Variants in ATP8B4 observed in about 807,000 individuals in gnomAD.
The protein encoded by ATP8B4 is probable phospholipid-transporting ATPase IM.
ATP8B4 carries 133 observed loss-of-function variants against 145.6 expected under a neutral mutation model. The ratio of observed to expected loss-of-function variants is 0.91; its 90% CI spans 0.79 to 1.05. The LOEUF (loss-of-function observed/expected upper bound fraction) is 1.05, where lower values mean the gene tolerates loss of function less well. Ranked by LOEUF, ATP8B4 falls within the 50% of genes least tolerant of loss-of-function variation. The probability of loss-of-function intolerance (pLI) is 0.00; values close to 1 mark genes in which losing one functional copy is unlikely to be tolerated. For missense variants in ATP8B4, 1,458 were observed against 1,425.2 expected, an observed-to-expected ratio of 1.02 and a Z score of -0.37; for synonymous variants, 507 against 492.9, an observed-to-expected ratio of 1.03 and a Z score of -0.38.
chr15:49,961,639 T>C (rs967160838), intron 14 of ATP8B4, among the ~76,000 whole-genome samples: 1 of 152,158 alleles, frequency 6.6e-6, no homozygotes, highest in Non-Finnish European at 1.5e-5. Context: ...AAAACTAATC[T>C]AGAAAGATCT....
intron 6 of ATP8B4, among the ~76,000 whole-genome samples, chr15:50,031,715 T>C (rs1230647684): frequency 6.6e-6 from 1 of 152,112 alleles, no homozygotes; most frequent in Non-Finnish European, 1.5e-5. Context: ...ACCACCTTCC[T>C]TGGTAAGTTG....
intron 3 of ATP8B4, among the ~76,000 whole-genome samples, chr15:50,054,577 A>G (rs991634125): frequency 3.2e-4 from 48 of 152,158 alleles, no homozygotes; most frequent in African/African-American, 1.0e-3. Flanking sequence ...AGGTCAGGAG[A>G]TCGAGATCAG....
At chr15:49,954,575 G>T (rs2043390485) in intron 14 of ATP8B4, among the ~76,000 whole-genome samples, 1 of 152,184 alleles carries the variant, frequency 6.6e-6, no homozygotes, top group Non-Finnish European at 1.5e-5. Context: ...ATGAAAAAAT[G>T]CTCATGATCA....
intron 2 of ATP8B4, 129 bp from the exon 3 acceptor site, chr15:50,074,314 G>T (rs929532977): frequency 8.9e-6 from 7 of 790,118 alleles, no homozygotes; most frequent in Non-Finnish European, 1.4e-5. Flanking sequence ...AAATTTGAAG[G>T]TATTGGCTTT....
At chr15:50,162,568 G>A (rs774475899) in intron 1 of ATP8B4, among the ~76,000 whole-genome samples, 136 of 151,970 alleles carry the variant, frequency 8.9e-4, no homozygotes, top group Admixed American at 2.7e-3. Context: ...GTGCAGTGGC[G>A]CGATCTCAGC....
At chr15:49,961,904 A>C in intron 14 of ATP8B4, 73 bp downstream of exon 14, 1 of 1,309,688 alleles carries the variant, frequency 7.6e-7, no homozygotes, top group South Asian at 1.4e-5. Flanking sequence ...AGGACACTAA[A>C]AGTTTATCAT....
chr15:49,939,781 T>C (rs769721330), intron 14 of ATP8B4, among the ~76,000 whole-genome samples: 2 of 152,098 alleles, frequency 1.3e-5, no homozygotes, highest in Non-Finnish European at 2.9e-5. Context: ...ATAGAAAATA[T>C]GCCAAAGACA....
At chr15:49,902,544 C>A (rs2038152482) in intron 20 of ATP8B4, among the ~76,000 whole-genome samples, 1 of 152,210 alleles carries the variant, frequency 6.6e-6, no homozygotes, top group South Asian at 2.1e-4. Context: ...TCACATGGTT[C>A]CAAGAATCAT....
chr15:50,087,370 T>TA (rs2055280802), intron 2 of ATP8B4, among the ~76,000 whole-genome samples: 2 of 136,942 alleles, frequency 1.5e-5, no homozygotes, highest in African/African-American at 5.9e-5. Flanking sequence ...TATAATAAAA[T>TA]AATATATAGA....
chr15:50,150,642 A>G (rs1158049730), intron 1 of ATP8B4, among the ~76,000 whole-genome samples: 1 of 152,238 alleles, frequency 6.6e-6, no homozygotes, highest in African/African-American at 2.4e-5. Flanking sequence ...CCTGGAGTCC[A>G]TTATTAAGTT....
chr15:49,904,976 C>CA (rs148578883), intron 20 of ATP8B4, among the ~76,000 whole-genome samples: 1,795 of 152,208 alleles, frequency 0.012, 31 homozygotes, highest in African/African-American at 0.041. Flanking sequence ...TCAGATCAAT[C>CA]AAAATTAAAT....
At chr15:50,099,426 C>T (rs1222033961) in intron 2 of ATP8B4, among the ~76,000 whole-genome samples, 2 of 152,004 alleles carry the variant, frequency 1.3e-5, no homozygotes, top group African/African-American at 2.4e-5. Context: ...ACTACAGGCA[C>T]GTGCCACCAT....
rs1206313225 is a variant in ATP8B4, at chr15:50,085,104, C to G, written c.29-10919G>C. 4.6e-5 allele frequency among the ~76,000 whole-genome samples: 7 copies of G among 152,106 alleles called. No homozygotes were observed. The East Asian group carries it at 1.3e-3, about 29-fold the overall frequency. ...CACAGAAGCCAGTTGTTACCAAGGCCTTCAGGGCCCTGCCTAATCTTTACA... is the reference window on the plus strand; with the variant it reads ...CACAGAAGCCAGTTGTTACCAAGGCGTTCAGGGCCCTGCCTAATCTTTACA... On this transcript the variant is annotated intron_variant, in intron 2 of 27. Transcript: ENST00000284509.
At chr15:50,091,495 G>A (rs1399631276) in intron 2 of ATP8B4, among the ~76,000 whole-genome samples, 1 of 152,104 alleles carries the variant, frequency 6.6e-6, no homozygotes, top group African/African-American at 2.4e-5. Context: ...CGTAGAGTTA[G>A]AAAAATGCAT....
chr15:50,094,698 G>GTATA (rs1160663599), intron 2 of ATP8B4, among the ~76,000 whole-genome samples: 5 of 123,022 alleles, frequency 4.1e-5, no homozygotes, highest in East Asian at 2.1e-4. Flanking sequence ...ATGTGTGTGT[G>GTATA]TATATATATA....
chr15:50,028,862 T>C (rs1424235250), intron 6 of ATP8B4, among the ~76,000 whole-genome samples: 1 of 152,030 alleles, frequency 6.6e-6, no homozygotes. Context: ...AAGAAGTGAA[T>C]ATTAGTCTTC....
At chr15:50,063,121 A>T (rs2053145560) in intron 3 of ATP8B4, among the ~76,000 whole-genome samples, 2 of 152,118 alleles carry the variant, frequency 1.3e-5, no homozygotes, top group South Asian at 2.1e-4. Flanking sequence ...ATTAAGACAG[A>T]GAGCAATATT....
At chr15:49,895,605 G>A (rs763620853) in intron 23 of ATP8B4, 1 of 152,298 alleles carries the variant, frequency 6.6e-6, no homozygotes, top group African/African-American at 2.4e-5. Flanking sequence ...TTACAGCTGG[G>A]TTCAACCATC....
chr15:50,008,037 G>C (rs972263474), intron 7 of ATP8B4, among the ~76,000 whole-genome samples: 1 of 152,168 alleles, frequency 6.6e-6, no homozygotes, highest in Admixed American at 6.5e-5. Context: ...TACTGATAAA[G>C]ACCAGGCTTC....
Sources: allele counts gnomAD v4.1 joint callset (sites outside exome capture counted in the v4.1 genomes callset), GRCh38; gene constraint gnomAD v4.1.1; transcripts MANE v1.5; gene names NCBI Gene and HGNC (gene_info 2026-07-23, HGNC 2026-07-21).